The following IPPK variants were observed in gnomAD, a reference collection of about 807,000 sequenced individuals.
IPPK encodes inositol-pentakisphosphate 2-kinase.
A neutral mutation model predicts 64.6 loss-of-function variants in IPPK; 22 were observed. The ratio of observed to expected loss-of-function variants is 0.34; its 90% CI spans 0.24 to 0.49. The LOEUF is 0.49. IPPK is among the 20% of genes least tolerant of loss of function. The pLI is 0.99. For synonymous variants in IPPK, 262 were observed against 247.2 expected, an observed-to-expected ratio of 1.06 and a Z score of -0.56; for missense variants, 532 against 630.7, an observed-to-expected ratio of 0.84 and a Z score of 1.68.
intron 3 of IPPK, among the ~76,000 whole-genome samples, chr9:92,654,943 G>C (rs114966114): frequency 6.6e-6 from 1 of 152,246 alleles, no homozygotes; most frequent in Non-Finnish European, 1.5e-5. Flanking sequence ...CCACAGCAGC[G>C]AGGTGGAACT....
chr9:92,634,098 C>T (rs1218156653), intron 11 of IPPK, among the ~76,000 whole-genome samples: 2 of 152,254 alleles, frequency 1.3e-5, no homozygotes, highest in Non-Finnish European at 2.9e-5. Context: ...TTGTGGGCTG[C>T]TGAGAAGGCA....
In IPPK at chr9:92,635,090, AT is replaced by A; in HGVS notation, c.1067+67del. ...TGGGAAGCTGTGCCTTGGGAGGCGCATTCTTACCCTGCCCACTCCCACAGTC... is the reference window on the plus strand; with the variant it reads ...TGGGAAGCTGTGCCTTGGGAGGCGCATCTTACCCTGCCCACTCCCACAGTC... On this transcript the variant is annotated intron_variant, in intron 10 of 12. Transcript: ENST00000287996. The surrounding 1 kb of genome is among the most constrained non-coding windows in gnomAD (Gnocchi z 4.4). The A allele has an allele frequency of 6.9e-7, 1 of 1,459,500 alleles. No individual in the cohort carries two copies. Among genetic ancestry groups the A allele is most frequent in the South Asian group, 1.4e-5 (1 of 72,590 alleles). The allele number at this position is 1,459,500 out of a possible 1,614,324, so 90.4% of individuals were successfully genotyped here. A position where few individuals can be genotyped will look rare whatever the true frequency, so the allele number is the denominator to read the frequency against.
chr9:92,638,182 G>T lies in IPPK; in HGVS notation c.735C>A (p.Asn245Lys). ...TGCAGTGGGGCCCACTGGCCAGGCC[G>T]TTGGAAGGGAAGAAGAACGGCTTCA... ...HHLKPFFFPS[N>K]GLASGPHCTR... The change falls in exon 9 of 13, where the codon AAC becomes AAA. Residue 245 changes from asparagine to lysine, a missense_variant. Physicochemically the swap from Asn to Lys is moderately conservative, Grantham distance 94. Coordinates refer to ENST00000287996, the MANE Select transcript of IPPK (RefSeq NM_022755.6). 6.2e-7 allele frequency: 1 copy of T among 1,614,256 alleles called. No homozygotes were observed. The highest frequency in any genetic ancestry group is 8.5e-7 in the Non-Finnish European group (1 of 1,180,040).
chr9:92,637,981 TG>T lies in IPPK; in HGVS notation c.916+19del. 2.6e-6 allele frequency: 4 copies of T among 1,524,226 alleles called. No individual in the cohort carries two copies. Among genetic ancestry groups the T allele is most frequent in the Non-Finnish European group, 3.5e-6 (4 of 1,134,874 alleles). 94.4% of individuals were successfully genotyped at this position (1,524,226 alleles called of 1,614,324 possible). A position where few individuals can be genotyped will look rare whatever the true frequency, so the allele number is the denominator to read the frequency against. On this transcript the variant is annotated intron_variant, in intron 9 of 12. Transcript: ENST00000287996. Reference sequence around the variant, plus strand: ...GCCCCTGCGGCCCCCACCGCCTACCTGGGGAAGGCTGGGCCCTACCTTGGCA... The same window carrying T: ...GCCCCTGCGGCCCCCACCGCCTACCTGGGAAGGCTGGGCCCTACCTTGGCA...
rs1852376751 is a variant in IPPK at position 92,656,533 on chromosome 9, G to C, written c.148C>G (p.Gln50Glu). ...AAGTCCACTATGTTCTGCAGGTGTT[G>C]AAATATCTCTTCCGAGGTCTGTAAG... Reference protein sequence around the residue: ...NRKKTSEEIFQHLQNIVDFGK... With the variant: ...NRKKTSEEIFEHLQNIVDFGK... The change falls in exon 3 of 13, where the codon CAA (glutamine) becomes GAA (glutamate). Residue 50 changes from glutamine (Q) to glutamate (E), a missense_variant. Transcript: ENST00000287996. 1 of 1,612,372 alleles carries C rather than the reference G, an allele frequency of 6.2e-7. No individual in the cohort carries two copies. Among genetic ancestry groups the C allele is most frequent in the Non-Finnish European group, 8.5e-7 (1 of 1,178,510 alleles).
chr9:92,659,021 T>A (rs1028078060), intron 1 of IPPK, among the ~76,000 whole-genome samples: 1 of 152,224 alleles, frequency 6.6e-6, no homozygotes, highest in Non-Finnish European at 1.5e-5. Context: ...AATCACACAG[T>A]CAGTGATTTA....
At chr9:92,654,231 C>T (rs1236092322) in intron 3 of IPPK, among the ~76,000 whole-genome samples, 2 of 152,178 alleles carry the variant, frequency 1.3e-5, no homozygotes, top group East Asian at 1.9e-4. Context: ...CAAAATAAAA[C>T]GCTGGCCTGG....
At chr9:92,658,329 G>A (rs1852413926) in intron 2 of IPPK, among the ~76,000 whole-genome samples, 3 of 152,172 alleles carry the variant, frequency 2.0e-5, no homozygotes, top group Non-Finnish European at 4.4e-5. Flanking sequence ...TATGGAACTC[G>A]GCAACGCAAA....
In IPPK at chr9:92,638,283, T is replaced by G. The variant is rs1171009658; in HGVS notation, c.637-3A>C. 2 of 1,609,512 alleles carry G rather than the reference T, an allele frequency of 1.2e-6. No individual in the cohort carries two copies. Among genetic ancestry groups the G allele is most frequent in the Admixed American group, 1.7e-5 (1 of 59,840 alleles). On this transcript the variant is annotated splice_region_variant and splice_polypyrimidine_tract_variant and intron_variant, in intron 8 of 12. Coordinates refer to ENST00000287996, the MANE Select transcript of IPPK (RefSeq NM_022755.6). ...CAGCCGTAAATCAGCTCACCATTCT[T>G]CAGACAGGGAAAAGAAAGAGGGAAA... is the stretch of plus-strand genomic sequence containing the variant.
At chr9:92,631,210 T>C (rs1253293702) in intron 11 of IPPK, among the ~76,000 whole-genome samples, 3 of 151,312 alleles carry the variant, frequency 2.0e-5, no homozygotes, top group Non-Finnish European at 4.4e-5. Context: ...TTTTTTTTTT[T>C]TTTGAGATGG....
intron 8 of IPPK, among the ~76,000 whole-genome samples, chr9:92,639,441 A>C (rs1443226587): frequency 3.9e-5 from 6 of 152,188 alleles, no homozygotes; most frequent in Non-Finnish European, 4.4e-5. Flanking sequence ...GATGGAACGC[A>C]CAGTAGGTAA....
intron 11 of IPPK, among the ~76,000 whole-genome samples, chr9:92,625,396 C>T (rs977514725): frequency 6.6e-6 from 1 of 152,048 alleles, no homozygotes; most frequent in Non-Finnish European, 1.5e-5. Flanking sequence ...TACAGAAATG[C>T]TATGTTAAGT....
chr9:92,651,433 G>A (rs972474439), intron 4 of IPPK, among the ~76,000 whole-genome samples: 3 of 152,234 alleles, frequency 2.0e-5, no homozygotes, highest in Admixed American at 6.5e-5. Context: ...GATGGGAGGG[G>A]ATTGGGGAAG....
At chr9:92,652,265 C>G (rs1252451230) in intron 4 of IPPK, among the ~76,000 whole-genome samples, 1 of 151,778 alleles carries the variant, frequency 6.6e-6, no homozygotes, top group Non-Finnish European at 1.5e-5. Flanking sequence ...CTGGCTAACA[C>G]GGTGAAACCC....
At chr9:92,656,431 T>C in intron 3 of IPPK, 25 bp downstream of exon 3, 1 of 1,470,670 alleles carries the variant, frequency 6.8e-7, no homozygotes, top group Non-Finnish European at 9.5e-7. Context: ...GCCCAAGAAT[T>C]CAGATGTGAA....
chr9:92,631,530 G>A (rs1032726297), intron 11 of IPPK, among the ~76,000 whole-genome samples: 7 of 152,160 alleles, frequency 4.6e-5, no homozygotes, highest in Non-Finnish European at 7.3e-5. Flanking sequence ...CTTTTGTGTA[G>A]GAAGGAATGT....
intron 1 of IPPK, among the ~76,000 whole-genome samples, chr9:92,669,151 A>G (rs1587650123): frequency 6.6e-6 from 1 of 151,444 alleles, no homozygotes; most frequent in South Asian, 2.1e-4. Context: ...CCTACATGAC[A>G]CCTATCCTCG....
intron 9 of IPPK, 74 bp downstream of exon 9, chr9:92,637,927 G>C: frequency 7.1e-7 from 1 of 1,409,640 alleles, no homozygotes; most frequent in South Asian, 1.5e-5. Flanking sequence ...TGACCGCCTG[G>C]CCACCCATGG....
rs1587627996 is a variant in IPPK, at chr9:92,635,922, T to C, written c.917-614A>G. Among the ~76,000 whole-genome samples the C allele has an allele frequency of 6.6e-6, 1 of 152,224 alleles. No individual in the cohort carries two copies. Among genetic ancestry groups the C allele is most frequent in the Non-Finnish European group, 1.5e-5 (1 of 68,006 alleles). ...CCCACACTGAGAGGCAGGTAAGACC[T>C]GGGCTGGCGACAGGCACGAGCTCAG... On this transcript the variant is annotated intron_variant, in intron 9 of 12. Coordinates refer to ENST00000287996, the MANE Select transcript of IPPK (RefSeq NM_022755.6). The surrounding 1 kb of genome is among the most constrained non-coding windows in gnomAD (Gnocchi z 4.4).
Sources: allele counts gnomAD v4.1 joint callset (sites outside exome capture counted in the v4.1 genomes callset), GRCh38; gene constraint gnomAD v4.1.1; non-coding constraint Gnocchi (gnomAD v3.1); transcripts MANE v1.5; gene names NCBI Gene and HGNC (gene_info 2026-07-23, HGNC 2026-07-21).